The following TCF7L2 variants were observed in gnomAD, a reference collection of about 807,000 sequenced individuals.
TCF7L2 encodes transcription factor 7 like 2.
In TCF7L2, 23 loss-of-function variants were observed where a neutral mutation model predicts 77.9. The ratio of observed to expected loss-of-function variants is 0.30; its 90% CI spans 0.21 to 0.42. The LOEUF (loss-of-function observed/expected upper bound fraction) is 0.42. TCF7L2 is among the 10% of genes least tolerant of loss of function. The probability of loss-of-function intolerance (pLI) is 1.00; values close to 1 mark genes in which losing one functional copy is unlikely to be tolerated. For missense variants in TCF7L2, 654 were observed against 793.1 expected, an observed-to-expected ratio of 0.82 and a Z score of 2.11; for synonymous variants, 413 against 340.2, an observed-to-expected ratio of 1.21 and a Z score of -2.36.
At chr10:113,079,334 C>T (rs547513676) in intron 5 of TCF7L2, among the ~76,000 whole-genome samples, 46 of 152,298 alleles carry the variant, frequency 3.0e-4, no homozygotes, top group African/African-American at 9.6e-4. Context: ...CCTGCATCTG[C>T]GTTGATGTGG....
intron 4 of TCF7L2, among the ~76,000 whole-genome samples, chr10:112,991,332 A>C (rs1321945263): frequency 2.6e-5 from 4 of 151,884 alleles, no homozygotes; most frequent in Non-Finnish European, 5.9e-5. Flanking sequence ...GATCGAAACC[A>C]TCCTGGCTAA....
Position 113,166,601 on chromosome 10 carries a change from A to T in TCF7L2, c.*629A>T, listed in dbSNP as rs1181546209. 1.3e-5 allele frequency: 3 copies of T among 229,646 alleles called. No individual in the cohort carries two copies. Among genetic ancestry groups the T allele is most frequent in the Admixed American group, 1.1e-4 (2 of 17,666 alleles). 14.2% of individuals were successfully genotyped at this position (229,646 alleles called of 1,614,324 possible). A position where few individuals can be genotyped will look rare whatever the true frequency, so the allele number is the denominator to read the frequency against. On this transcript the variant is annotated 3_prime_UTR_variant, in exon 14 of 14. Transcript: ENST00000627217. The stretch of plus-strand genomic sequence containing the variant: ...GGGAGGGGACGCTACTCAACACTTA[A>T]TAGAATCACAACGCTGTTGGGCCAG...
chr10:112,996,295 C>T lies in TCF7L2; in HGVS notation c.450+31671C>T, dbSNP rs558486095. ...GACCGAAGTGATATGGGGCCCTTGT[C>T]AAGGGTCTCTATTATGGCATCAAGA... On this transcript the variant is annotated intron_variant, in intron 4 of 13. Coordinates refer to ENST00000627217, the MANE Select transcript of TCF7L2 (RefSeq NM_001146274.2). Among the ~76,000 whole-genome samples the T allele has an allele frequency of 2.8e-4, 43 of 152,216 alleles. No individual in the cohort carries two copies. In the South Asian group the frequency reaches 8.7e-3, roughly 31 times the overall value.
intron 4 of TCF7L2, among the ~76,000 whole-genome samples, chr10:112,981,979 C>T (rs767852034): frequency 1.3e-5 from 2 of 152,218 alleles, no homozygotes; most frequent in Non-Finnish European, 2.9e-5. Context: ...TGCTAACTCA[C>T]AGGCTCCCCA....
chr10:112,993,247 C>T (rs754422270), intron 4 of TCF7L2, among the ~76,000 whole-genome samples: 70 of 151,320 alleles, frequency 4.6e-4, no homozygotes, highest in Non-Finnish European at 6.6e-4. Context: ...CAGCAAGGCG[C>T]GGTGGCTCAT....
chr10:112,981,329 A>G (rs1026420186), intron 4 of TCF7L2, among the ~76,000 whole-genome samples: 1 of 151,912 alleles, frequency 6.6e-6, no homozygotes, highest in Non-Finnish European at 1.5e-5. Context: ...AAATAAAGAA[A>G]GAAAAAAAGG....
At chr10:113,020,364 C>G (rs2048086664) in intron 4 of TCF7L2, among the ~76,000 whole-genome samples, 1 of 152,178 alleles carries the variant, frequency 6.6e-6, no homozygotes, top group Non-Finnish European at 1.5e-5. Flanking sequence ...CTCCCCCTCT[C>G]CTCACCCCGT....
chr10:113,051,267 C>T (rs1032638249), intron 5 of TCF7L2, among the ~76,000 whole-genome samples: 5 of 148,730 alleles, frequency 3.4e-5, no homozygotes, highest in East Asian at 2.0e-4. Context: ...GCACACACCC[C>T]GACTCAATGG....
chr10:112,991,072 T>G (rs1450999446), intron 4 of TCF7L2, among the ~76,000 whole-genome samples: 1 of 152,150 alleles, frequency 6.6e-6, no homozygotes, highest in Non-Finnish European at 1.5e-5. Flanking sequence ...GGAGTGGACA[T>G]GCCAAAGTTG....
Position 113,126,725 on chromosome 10 carries a change from C to T in TCF7L2, c.553-14459C>T, listed in dbSNP as rs1286324678. ...GGCGCTGCTGGTGTGTGCTGCTCCC[C>T]TGTGCCGCGGGTGCGCGGCGGCGGC... On this transcript the variant is annotated intron_variant, in intron 5 of 13. Transcript: ENST00000627217. 5 of 985,880 alleles carry T rather than the reference C, an allele frequency of 5.1e-6. No homozygotes were observed. The African/African-American group carries it at 7.0e-5, about 14-fold the overall frequency. 61.1% of individuals were successfully genotyped at this position (985,880 alleles called of 1,614,324 possible).
intron 5 of TCF7L2, among the ~76,000 whole-genome samples, chr10:113,057,001 A>G (rs1326840491): frequency 1.3e-5 from 2 of 152,226 alleles, no homozygotes; most frequent in African/African-American, 4.8e-5. Context: ...TGCTCTGTGT[A>G]TGTCAGAAGA....
At position 113,159,710 on chromosome 10, in the gene TCF7L2, C is replaced by CT. The variant is rs60224964; in HGVS notation, c.1319-897dup. On this transcript the variant is annotated intron_variant, in intron 12 of 13. Coordinates refer to ENST00000627217, the MANE Select transcript of TCF7L2 (RefSeq NM_001146274.2). Reference sequence around the variant, plus strand: ...AAGTTGAATAAGAATGTGACTTTTACTTTTTTTTTTTTAATTAAAGAAAGT... The same window carrying CT: ...AAGTTGAATAAGAATGTGACTTTTACTTTTTTTTTTTTTAATTAAAGAAAGT... Among the ~76,000 whole-genome samples, 272 of 142,334 alleles carry CT rather than the reference C, an allele frequency of 1.9e-3. 3 individuals are homozygous for CT. The South Asian group carries it at 0.036, about 19-fold the overall frequency. 93.4% of individuals were successfully genotyped at this position (142,334 alleles called of 152,430 possible).
intron 5 of TCF7L2, among the ~76,000 whole-genome samples, chr10:113,138,234 G>C (rs958570093): frequency 1.2e-4 from 18 of 150,846 alleles, no homozygotes; most frequent in Admixed American, 6.6e-4. Flanking sequence ...AAAACTTCCA[G>C]TTCCCTGCCA....
chr10:113,023,014 G>T (rs183009732), intron 4 of TCF7L2, among the ~76,000 whole-genome samples: 2 of 152,314 alleles, frequency 1.3e-5, no homozygotes, highest in Non-Finnish European at 2.9e-5. Context: ...CAGAATAGTA[G>T]GTCCAATTAG....
At chr10:113,067,118 G>C (rs766183865) in intron 5 of TCF7L2, among the ~76,000 whole-genome samples, 14 of 152,226 alleles carry the variant, frequency 9.2e-5, no homozygotes, top group Admixed American at 2.0e-4. Flanking sequence ...CATTTCTGCT[G>C]TGAGTGGTTT....
At chr10:113,086,614 G>C (rs1260218419) in intron 5 of TCF7L2, among the ~76,000 whole-genome samples, 5 of 152,238 alleles carry the variant, frequency 3.3e-5, no homozygotes. Context: ...AGAGTCAGGG[G>C]GTTGCCCCCT....
chr10:113,038,957 G>A (rs903510025), intron 4 of TCF7L2, among the ~76,000 whole-genome samples: 2 of 152,160 alleles, frequency 1.3e-5, no homozygotes, highest in Non-Finnish European at 2.9e-5. Flanking sequence ...AATGACCAAG[G>A]TGTCTCCTTA....
At chr10:113,153,482 C>T (rs544004667) in intron 11 of TCF7L2, among the ~76,000 whole-genome samples, 1 of 152,330 alleles carries the variant, frequency 6.6e-6, no homozygotes, top group South Asian at 2.1e-4. Flanking sequence ...TTTTGACTCT[C>T]CCACTGGCAT....
At chr10:113,087,564 C>G (rs538743354) in intron 5 of TCF7L2, among the ~76,000 whole-genome samples, 5 of 152,200 alleles carry the variant, frequency 3.3e-5, no homozygotes, top group Non-Finnish European at 7.3e-5. Flanking sequence ...GACTCACGCT[C>G]CTGTTTACAA....
Sources: allele counts gnomAD v4.1 joint callset (sites outside exome capture counted in the v4.1 genomes callset), GRCh38; gene constraint gnomAD v4.1.1; transcripts MANE v1.5; gene names NCBI Gene and HGNC (gene_info 2026-07-23, HGNC 2026-07-21).